Variants in IFT88 observed in about 807,000 individuals in gnomAD.
IFT88 encodes intraflagellar transport 88, also known as intraflagellar transport protein 88 homolog.
In IFT88, 74 loss-of-function variants were observed where a neutral mutation model predicts 119.5. The ratio of observed to expected loss-of-function variants is 0.62; its 90% confidence interval spans 0.51 to 0.75. The LOEUF is 0.75. Ranked by LOEUF, IFT88 falls within the 30% of genes least tolerant of loss-of-function variation. The pLI is 0.00. For missense variants in IFT88, 961 were observed against 977.7 expected (o/e 0.98, Z 0.23); for synonymous variants, 279 against 316.7 (o/e 0.88, Z 1.26).
rs890412268 is a variant in IFT88 at position 20,568,082 on chromosome 13, C to A, written c.-7+826C>A. 3 of 701,150 alleles carry A rather than the reference C, an allele frequency of 4.3e-6. No individual in the cohort carries two copies. The Admixed American group carries it at 6.0e-5, about 14-fold the overall frequency. The allele number at this position is 701,150 out of a possible 1,614,324, so 43.4% of individuals were successfully genotyped here. Reference sequence around the variant, plus strand: ...TTACGAATTTGTGTTGGGCCACATTCAAAGCCGTCCTGTGCCACGTGCGGG... The same window carrying A: ...TTACGAATTTGTGTTGGGCCACATTAAAAGCCGTCCTGTGCCACGTGCGGG... On this transcript the variant is annotated intron_variant, in intron 1 of 25. Transcript: ENST00000351808.
intron 2 of IFT88, among the ~76,000 whole-genome samples, chr13:20,579,144 T>TA (rs1266687000): frequency 6.6e-6 from 1 of 152,226 alleles, no homozygotes; most frequent in Non-Finnish European, 1.5e-5. Context: ...TGTAAACACT[T>TA]ATAACTATAA....
intron 1 of IFT88, among the ~76,000 whole-genome samples, chr13:20,569,514 A>G (rs1484670385): frequency 6.6e-6 from 1 of 151,636 alleles, no homozygotes; most frequent in Non-Finnish European, 1.5e-5. Context: ...CGGAGCTTTC[A>G]GTGAGCCGAG....
At chr13:20,685,829 G>C (rs774911176) in intron 24 of IFT88, among the ~76,000 whole-genome samples, 9 of 152,250 alleles carry the variant, frequency 5.9e-5, no homozygotes, top group African/African-American at 2.2e-4. Flanking sequence ...GCAGTGAGCC[G>C]AGATTGCGCC....
chr13:20,579,152 T>G (rs1038113457), intron 2 of IFT88, among the ~76,000 whole-genome samples: 1 of 152,246 alleles, frequency 6.6e-6, no homozygotes, highest in African/African-American at 2.4e-5. Flanking sequence ...CTTATAACTA[T>G]AAACTTCTCT....
chr13:20,680,507 A>C (rs933612280), intron 24 of IFT88, among the ~76,000 whole-genome samples: 1 of 152,236 alleles, frequency 6.6e-6, no homozygotes. Flanking sequence ...GGGAATACTC[A>C]TGGCGATGGT....
intron 20 of IFT88, among the ~76,000 whole-genome samples, chr13:20,648,279 CCAGCTACT>C (rs2051045650): frequency 6.6e-6 from 1 of 152,080 alleles, no homozygotes; most frequent in Non-Finnish European, 1.5e-5. Flanking sequence ...GCCTATAGTC[CCAGCTACT>C]CAGGAGGCTG....
intron 24 of IFT88, among the ~76,000 whole-genome samples, chr13:20,681,634 A>G (rs939534165): frequency 1.3e-5 from 2 of 152,246 alleles, no homozygotes; most frequent in African/African-American, 4.8e-5. Flanking sequence ...GAGCTCCAAT[A>G]TGAGTAATGT....
At chr13:20,589,488 G>T (rs2040293036) in intron 3 of IFT88, among the ~76,000 whole-genome samples, 1 of 152,110 alleles carries the variant, frequency 6.6e-6, no homozygotes, top group African/African-American at 2.4e-5. Flanking sequence ...TCTATTGTTT[G>T]GCCTAGTGGC....
chr13:20,591,867 G>T (rs2040746351), intron 6 of IFT88, among the ~76,000 whole-genome samples, 186 bp downstream of exon 6: 1 of 152,146 alleles, frequency 6.6e-6, no homozygotes, highest in South Asian at 2.1e-4. Flanking sequence ...ATCTGTTGGG[G>T]TGGTAATTAA....
intron 3 of IFT88, among the ~76,000 whole-genome samples, chr13:20,589,250 G>A (rs774347056): frequency 7.2e-5 from 11 of 152,166 alleles, no homozygotes; most frequent in Non-Finnish European, 1.2e-4. Flanking sequence ...ATTCCTCTGT[G>A]AGTGATATTT....
At chr13:20,634,309 G>A (rs2048671477) in intron 16 of IFT88, among the ~76,000 whole-genome samples, 1 of 152,146 alleles carries the variant, frequency 6.6e-6, no homozygotes, top group African/African-American at 2.4e-5. Context: ...ACCACTGCCT[G>A]CACTGAGACC....
Position 20,601,733 on chromosome 13 carries a change from A to G in IFT88, c.841A>G (p.Thr281Ala), listed in dbSNP as rs2042621375. The change falls in exon 12 of 26, where the codon ACA becomes GCA. Residue 281 changes from threonine to alanine, a missense_variant. Physicochemically the swap from Thr to Ala is moderately conservative, Grantham distance 58. Coordinates refer to ENST00000351808, the MANE Select transcript of IFT88 (RefSeq NM_006531.5). ...TAAAATAATGCAGAATATTGGAGTT[A>G]CATTTATTCAGGCTGGTCAGTATTC... ...RIKIMQNIGV[T>A]FIQAGQYSDA... 1 of 1,609,260 alleles carries G rather than the reference A, an allele frequency of 6.2e-7. No homozygotes were observed. The highest frequency in any genetic ancestry group is 1.1e-5 in the South Asian group (1 of 90,584).
In IFT88 at chr13:20,602,047, A is replaced by C. The variant is rs1346982876; in HGVS notation, c.1041+114A>C. On this transcript the variant is annotated intron_variant, in intron 12 of 25. Transcript: ENST00000351808. ...CTTGGGTTTTTCCCAGGCCTGTATC[A>C]ATGTGTTTTATTATTGATGTATTTC... 6 of 635,142 alleles carry C rather than the reference A, an allele frequency of 9.4e-6. No homozygotes were observed. In the African/African-American group the frequency reaches 1.1e-4, roughly 12 times the overall value. The allele number at this position is 635,142 out of a possible 1,614,324, so 39.3% of individuals were successfully genotyped here.
intron 24 of IFT88, among the ~76,000 whole-genome samples, chr13:20,676,519 G>A (rs113056069): frequency 8.5e-5 from 13 of 152,230 alleles, no homozygotes; most frequent in African/African-American, 2.7e-4. Flanking sequence ...ACCACTGCCA[G>A]TGTGTGACCT....
intron 1 of IFT88, among the ~76,000 whole-genome samples, chr13:20,567,500 A>G (rs2137630460): frequency 6.6e-6 from 1 of 152,328 alleles, no homozygotes; most frequent in South Asian, 2.1e-4. Flanking sequence ...TCCCCAGCTC[A>G]CAGGCTTTTC....
chr13:20,607,120 C>G, intron 13 of IFT88: 1 of 396,860 alleles, frequency 2.5e-6, no homozygotes, highest in Non-Finnish European at 5.2e-6. Context: ...CCTTCCTGTT[C>G]CCGGTGACTG....
intron 24 of IFT88, among the ~76,000 whole-genome samples, chr13:20,681,997 T>A (rs1171143317): frequency 3.3e-5 from 5 of 152,236 alleles, no homozygotes; most frequent in Non-Finnish European, 5.9e-5. Context: ...AAAGTTGAAA[T>A]AATTTTGTTT....
At chr13:20,649,763 CAAAA>C (rs908840890) in intron 20 of IFT88, among the ~76,000 whole-genome samples, 1 of 151,086 alleles carries the variant, frequency 6.6e-6, no homozygotes, top group Non-Finnish European at 1.5e-5. Flanking sequence ...GAAGGACTAA[CAAAA>C]AAAAGAGGAC....
rs756071566 is a variant in IFT88 at position 20,644,962 on chromosome 13, A to G, written c.1949+4A>G. On this transcript the variant is annotated splice_donor_region_variant and intron_variant, in intron 20 of 25. Coordinates refer to ENST00000351808, the MANE Select transcript of IFT88 (RefSeq NM_006531.5). ...TTGAAAGAGCTTCTCTTATACAGTA[A>G]GTAATCATTAGGATTTTATGTTTAG... The G allele has an allele frequency of 7.7e-7, 1 of 1,304,464 alleles. No homozygotes were observed. Among genetic ancestry groups the G allele is most frequent in the Non-Finnish European group, 1.1e-6 (1 of 911,212 alleles). The allele number at this position is 1,304,464 out of a possible 1,614,324, so 80.8% of individuals were successfully genotyped here.
Sources: gnomAD v4.1 joint callset for allele counts (sites outside exome capture counted in the v4.1 genomes callset) on GRCh38, gnomAD v4.1.1 for gene constraint, MANE v1.5 for transcripts, NCBI Gene and HGNC (gene_info 2026-07-23, HGNC 2026-07-21) for gene names.